The following PLA2G12B variants were observed in gnomAD, a reference collection of about 807,000 sequenced individuals.
PLA2G12B encodes the protein phospholipase A2 group XIIB.
A neutral mutation model predicts 22.3 loss-of-function variants in PLA2G12B; 19 were observed. The ratio of observed to expected loss-of-function variants is 0.85; its 90% confidence interval spans 0.60 to 1.25. PLA2G12B has a LOEUF of 1.25. Among genes scored for constraint, PLA2G12B ranks in the 50% most tolerant of loss-of-function variants. The pLI is 0.00. For missense variants in PLA2G12B, 191 were observed against 246.6 expected, an observed-to-expected ratio of 0.77 and a Z score of 1.51; for synonymous variants, 81 against 94.9, an observed-to-expected ratio of 0.85 and a Z score of 0.85.
chr10:72,943,789 A>C (rs973839202), intron 1 of PLA2G12B, among the ~76,000 whole-genome samples: 3 of 152,158 alleles, frequency 2.0e-5, no homozygotes, highest in African/African-American at 4.8e-5. Flanking sequence ...ACCATCATAG[A>C]GAAAGTGGGG....
intron 1 of PLA2G12B, among the ~76,000 whole-genome samples, chr10:72,949,424 A>G (rs1265491063): frequency 1.3e-5 from 2 of 152,026 alleles, no homozygotes; most frequent in Non-Finnish European, 2.9e-5. Context: ...TTAATTGCCT[A>G]TTTCCATTCT....
At chr10:72,945,847 C>T (rs1172949202) in intron 1 of PLA2G12B, among the ~76,000 whole-genome samples, 2 of 152,050 alleles carry the variant, frequency 1.3e-5, no homozygotes, top group Non-Finnish European at 2.9e-5. Flanking sequence ...GGGGTTTCAC[C>T]ATGTTGGCCA....
intron 1 of PLA2G12B, among the ~76,000 whole-genome samples, chr10:72,950,925 C>T (rs969535945): frequency 1.3e-5 from 2 of 152,176 alleles, no homozygotes; most frequent in African/African-American, 4.8e-5. Flanking sequence ...ACTCTTCAGT[C>T]GTTGTTCCCT....
chr10:72,952,445 T>C (rs887527841), intron 1 of PLA2G12B, among the ~76,000 whole-genome samples: 1 of 152,202 alleles, frequency 6.6e-6, no homozygotes, highest in Non-Finnish European at 1.5e-5. Flanking sequence ...CAGAAACACC[T>C]GGGGTGGGGC....
At chr10:72,951,711 G>A (rs1020253161) in intron 1 of PLA2G12B, among the ~76,000 whole-genome samples, 1 of 152,024 alleles carries the variant, frequency 6.6e-6, no homozygotes, top group Non-Finnish European at 1.5e-5. Flanking sequence ...TGCCTGCCTT[G>A]GCCTCCCAAA....
At chr10:72,945,886 G>A (rs1846432946) in intron 1 of PLA2G12B, among the ~76,000 whole-genome samples, 1 of 152,122 alleles carries the variant, frequency 6.6e-6, no homozygotes, top group Admixed American at 6.6e-5. Context: ...GGCCTCAAGT[G>A]ATCCACCCAC....
At chr10:72,941,714 T>G (rs1846364377) in intron 2 of PLA2G12B, among the ~76,000 whole-genome samples, 1 of 152,104 alleles carries the variant, frequency 6.6e-6, no homozygotes, top group African/African-American at 2.4e-5. Flanking sequence ...AGATTTTGTG[T>G]GAGCAAAGGA....
intron 3 of PLA2G12B, among the ~76,000 whole-genome samples, chr10:72,938,228 A>G (rs1001194880): frequency 6.6e-6 from 1 of 152,234 alleles, no homozygotes; most frequent in African/African-American, 2.4e-5. Context: ...AATGACAGTC[A>G]TAGCTAACAA....
intron 3 of PLA2G12B, among the ~76,000 whole-genome samples, chr10:72,936,378 A>G (rs1352912268): frequency 6.6e-6 from 1 of 152,226 alleles, no homozygotes; most frequent in Non-Finnish European, 1.5e-5. Context: ...TAGGAGAGGT[A>G]TCTTAGAGTA....
chr10:72,953,032 G>T (rs1846557413), intron 1 of PLA2G12B, among the ~76,000 whole-genome samples: 1 of 152,186 alleles, frequency 6.6e-6, no homozygotes, highest in East Asian at 1.9e-4. Context: ...AATGTCTGAA[G>T]TGAGTCAACC....
intron 3 of PLA2G12B, 60 bp downstream of exon 3, chr10:72,941,109 C>A: frequency 6.6e-7 from 1 of 1,517,916 alleles, no homozygotes; most frequent in Non-Finnish European, 9.0e-7. Flanking sequence ...CTGGCTATAT[C>A]TCGGTGTGAA....
intron 3 of PLA2G12B, among the ~76,000 whole-genome samples, chr10:72,937,017 C>A (rs994544071): frequency 2.6e-5 from 4 of 152,138 alleles, no homozygotes; most frequent in South Asian, 2.1e-4. Context: ...CAAGACCATC[C>A]TGGCTAACAC....
chr10:72,942,848 T>A lies in PLA2G12B; in HGVS notation c.212-108A>T. ...CTAAAAGCATATTTCACTTTTTCTT[T>A]AAAAGTCACTGTTCCTCACATCCAA... is the stretch of plus-strand genomic sequence containing the variant. On this transcript the variant is annotated intron_variant, in intron 1 of 3. Coordinates refer to ENST00000373032, the MANE Select transcript of PLA2G12B (RefSeq NM_032562.5). The A allele has an allele frequency of 1.8e-5, 17 of 924,194 alleles. No individual in the cohort carries two copies. In the Middle Eastern group the frequency reaches 1.1e-3, roughly 57 times the overall value. The allele number at this position is 924,194 out of a possible 1,614,324, so 57.2% of individuals were successfully genotyped here. A position where few individuals can be genotyped will look rare whatever the true frequency, so the allele number is the denominator to read the frequency against.
At chr10:72,952,772 A>C (rs74145991) in intron 1 of PLA2G12B, among the ~76,000 whole-genome samples, 1,656 of 152,170 alleles carry the variant, frequency 0.011, 42 homozygotes, top group African/African-American at 0.037. Context: ...ACAAAGTGAG[A>C]AGAGTTATTT....
At chr10:72,943,963 CTTTT>C (rs1184314115) in intron 1 of PLA2G12B, among the ~76,000 whole-genome samples, 2 of 151,874 alleles carry the variant, frequency 1.3e-5, no homozygotes, top group South Asian at 2.1e-4. Flanking sequence ...TTCTTTCTTT[CTTTT>C]CTTTCTTTCT....
At chr10:72,943,352 G>C (rs145900104) in intron 1 of PLA2G12B, among the ~76,000 whole-genome samples, 6 of 152,182 alleles carry the variant, frequency 3.9e-5, no homozygotes, top group African/African-American at 1.4e-4. Context: ...AAAACTCAAG[G>C]TTCCTCATTC....
chr10:72,953,051 G>A (rs192029139), intron 1 of PLA2G12B, among the ~76,000 whole-genome samples: 1 of 152,250 alleles, frequency 6.6e-6, no homozygotes, highest in East Asian at 1.9e-4. Flanking sequence ...CCCCTTCCCT[G>A]TCCCATCCGT....
intron 1 of PLA2G12B, among the ~76,000 whole-genome samples, chr10:72,944,587 A>G (rs918866975): frequency 5.9e-5 from 9 of 152,146 alleles, no homozygotes; most frequent in African/African-American, 2.2e-4. Flanking sequence ...ATAGTTCTCT[A>G]TTTACTTAGG....
intron 3 of PLA2G12B, 122 bp from the exon 4 acceptor site, chr10:72,935,860 A>G: frequency 7.7e-7 from 1 of 1,294,116 alleles, no homozygotes; most frequent in Non-Finnish European, 1.1e-6. Context: ...ATTCAAAGGA[A>G]GAGCATCCAT....
Sources: gnomAD v4.1 joint callset for allele counts (sites outside exome capture counted in the v4.1 genomes callset) on GRCh38, gnomAD v4.1.1 for gene constraint, MANE v1.5 for transcripts, NCBI Gene and HGNC (gene_info 2026-07-23, HGNC 2026-07-21) for gene names.